Variants in SGCZ observed in about 807,000 individuals in gnomAD.
SGCZ encodes the protein sarcoglycan zeta, also known as zeta-sarcoglycan.
In SGCZ, 40 loss-of-function variants were observed where a neutral mutation model predicts 41.3. That is an observed-to-expected ratio of 0.97 (90% CI 0.75 to 1.26). The LOEUF (loss-of-function observed/expected upper bound fraction) is 1.26, where lower values mean the gene tolerates loss of function less well. SGCZ is among the 50% of genes most tolerant of loss of function. SGCZ has a pLI of 0.00. For synonymous variants in SGCZ, 206 were observed against 137.5 expected, an observed-to-expected ratio of 1.50 and a Z score of -3.49; for missense variants, 552 against 369.8, an observed-to-expected ratio of 1.49 and a Z score of -4.04.
chr8:14,869,301 C>T (rs1224355889), intron 1 of SGCZ, among the ~76,000 whole-genome samples: 5 of 152,054 alleles, frequency 3.3e-5, no homozygotes, highest in Non-Finnish European at 5.9e-5. Context: ...AATCAATAAA[C>T]GTAATCCATC....
intron 2 of SGCZ, among the ~76,000 whole-genome samples, chr8:14,434,586 T>C (rs186451628): frequency 6.6e-6 from 1 of 152,340 alleles, no homozygotes; most frequent in East Asian, 1.9e-4. Flanking sequence ...ATATTGATTC[T>C]ACCCACCCAT....
intron 1 of SGCZ, among the ~76,000 whole-genome samples, chr8:15,108,806 C>G (rs1334659874): frequency 6.6e-6 from 1 of 152,078 alleles, no homozygotes; most frequent in Non-Finnish European, 1.5e-5. Flanking sequence ...GTGGTGTGTG[C>G]TCGCTAAATA....
chr8:14,163,169 C>CT (rs1804099435), intron 5 of SGCZ, among the ~76,000 whole-genome samples: 3 of 152,130 alleles, frequency 2.0e-5, no homozygotes, highest in African/African-American at 7.2e-5. Context: ...AGCCAATACA[C>CT]TTTTTTTAAC....
At chr8:14,485,983 AG>A (rs1801662554) in intron 2 of SGCZ, among the ~76,000 whole-genome samples, 1 of 151,854 alleles carries the variant, frequency 6.6e-6, no homozygotes, top group South Asian at 2.1e-4. Context: ...CTGGGACTAC[AG>A]GCGTCCGCCA....
At chr8:14,925,047 AG>A (rs1417916890) in intron 1 of SGCZ, among the ~76,000 whole-genome samples, 4 of 151,926 alleles carry the variant, frequency 2.6e-5, no homozygotes, top group East Asian at 1.9e-4. Flanking sequence ...TAGTAGAGCC[AG>A]GGTTTCACCG....
intron 1 of SGCZ, among the ~76,000 whole-genome samples, chr8:15,172,163 T>TTATTTATTTTTTTA (rs796278887): frequency 2.6e-5 from 3 of 116,552 alleles, no homozygotes; most frequent in African/African-American, 9.2e-5. Context: ...TGTTTTTTTT[T>TTATTTATTTTTTTA]TTTTTTTTTT....
chr8:14,912,654 G>A (rs1437140710), intron 1 of SGCZ, among the ~76,000 whole-genome samples: 1 of 151,972 alleles, frequency 6.6e-6, no homozygotes, highest in Non-Finnish European at 1.5e-5. Context: ...GCAAAACTCT[G>A]AAAGTCACCA....
At chr8:14,631,546 G>C (rs902581703) in intron 1 of SGCZ, among the ~76,000 whole-genome samples, 4 of 151,964 alleles carry the variant, frequency 2.6e-5, no homozygotes, top group Admixed American at 2.6e-4. Context: ...AATTTGACCT[G>C]GCATAAATGG....
intron 1 of SGCZ, among the ~76,000 whole-genome samples, chr8:14,972,206 G>A (rs1424063660): frequency 6.6e-6 from 1 of 151,964 alleles, no homozygotes; most frequent in East Asian, 1.9e-4. Flanking sequence ...TAAAATATGG[G>A]CATACATTTA....
At chr8:14,480,154 C>T (rs1341191364) in intron 2 of SGCZ, among the ~76,000 whole-genome samples, 1 of 152,176 alleles carries the variant, frequency 6.6e-6, no homozygotes, top group African/African-American at 2.4e-5. Flanking sequence ...TACTTCTACA[C>T]TGAAACAGTT....
At chr8:14,339,706 C>T (rs1802635702) in intron 2 of SGCZ, among the ~76,000 whole-genome samples, 1 of 152,018 alleles carries the variant, frequency 6.6e-6, no homozygotes, top group African/African-American at 2.4e-5. Context: ...TATCATGCAG[C>T]TACCTGAAGC....
intron 2 of SGCZ, among the ~76,000 whole-genome samples, chr8:14,506,103 C>T (rs141488381): frequency 1.6e-4 from 24 of 151,878 alleles, no homozygotes; most frequent in Admixed American, 1.0e-3. Flanking sequence ...TTTGGGAGGC[C>T]GAGGCAGGCG....
At chr8:14,100,886 C>T (rs779929950) in intron 7 of SGCZ, among the ~76,000 whole-genome samples, 118 of 151,930 alleles carry the variant, frequency 7.8e-4, no homozygotes, top group Admixed American at 1.9e-3. Flanking sequence ...TTTTTCTTCT[C>T]AATTTGACCT....
At position 14,463,607 on chromosome 8, in the gene SGCZ, A is replaced by C. The variant is rs182142250; in HGVS notation, c.234+91125T>G. On this transcript the variant is annotated intron_variant, in intron 2 of 7. Coordinates refer to ENST00000382080, the MANE Select transcript of SGCZ (RefSeq NM_139167.4). ...TAATGATTTCTTGAATATGATACTA[A>C]AGGCACAGACAACAAAACAAAACAC... 2.3e-3 allele frequency among the ~76,000 whole-genome samples: 351 copies of C among 151,808 alleles called. 2 individuals carry two copies. The highest frequency in any genetic ancestry group is 0.012 in the South Asian group (56 of 4,826).
At chr8:14,932,950 G>A (rs1478504858) in intron 1 of SGCZ, among the ~76,000 whole-genome samples, 5 of 151,864 alleles carry the variant, frequency 3.3e-5, no homozygotes, top group Admixed American at 2.0e-4. Flanking sequence ...AACACAGGAA[G>A]GGAAAACCAA....
At chr8:14,790,392 A>T (rs1800910095) in intron 1 of SGCZ, among the ~76,000 whole-genome samples, 1 of 152,222 alleles carries the variant, frequency 6.6e-6, no homozygotes, top group Non-Finnish European at 1.5e-5. Flanking sequence ...GCATTCTCAC[A>T]TATGACTGAT....
rs185664050 is a variant in SGCZ at position 14,115,797 on chromosome 8, G to C, written c.548-7562C>G. On this transcript the variant is annotated intron_variant, in intron 5 of 7. Coordinates refer to ENST00000382080, the MANE Select transcript of SGCZ (RefSeq NM_139167.4). Reference sequence around the variant, plus strand: ...TACACCATAAACTGAGGTTTCTTTGGGGGGTGGGGGTGGAAATTAGTAAAT... The same window carrying C: ...TACACCATAAACTGAGGTTTCTTTGCGGGGTGGGGGTGGAAATTAGTAAAT... Among the ~76,000 whole-genome samples the C allele has an allele frequency of 7.9e-5, 12 of 151,844 alleles. No individual in the cohort carries two copies. In the East Asian group the frequency reaches 2.1e-3, roughly 27 times the overall value.
chr8:15,236,921 G>GC lies in SGCZ; in HGVS notation c.39+663_39+664insG, dbSNP rs59286030. Among the ~76,000 whole-genome samples, 238 of 152,216 alleles carry GC rather than the reference G, an allele frequency of 1.6e-3. 3 individuals carry two copies. Among genetic ancestry groups the GC allele is most frequent in the African/African-American group, 5.2e-3 (216 of 41,562 alleles). ...GCTCCCGCCTCCCCGCCCCCTGCCCGAGTCCCCGGACCTGCTCCCGCGCCT... is the reference window on the plus strand; with the variant it reads ...GCTCCCGCCTCCCCGCCCCCTGCCCGCAGTCCCCGGACCTGCTCCCGCGCCT... On this transcript the variant is annotated intron_variant, in intron 1 of 7. Coordinates refer to ENST00000382080, the MANE Select transcript of SGCZ (RefSeq NM_139167.4).
rs948433472 is a variant in SGCZ, at chr8:14,503,053, C to T, written c.234+51679G>A. On this transcript the variant is annotated intron_variant, in intron 2 of 7. Transcript: ENST00000382080. ...AAGACTTGCAACTCACCCAAATGCC[C>T]ATCAATGATAGACGGGATAAAGAAA... 2.6e-5 allele frequency among the ~76,000 whole-genome samples: 4 copies of T among 152,126 alleles called. 1 individual carries two copies. The highest frequency in any genetic ancestry group is 9.7e-5 in the African/African-American group (4 of 41,416).
Sources: gnomAD v4.1 joint callset for allele counts (sites outside exome capture counted in the v4.1 genomes callset) on GRCh38, gnomAD v4.1.1 for gene constraint, MANE v1.5 for transcripts, NCBI Gene and HGNC (gene_info 2026-07-23, HGNC 2026-07-21) for gene names.